Variants in STAC observed in about 807,000 individuals in gnomAD.
STAC encodes SH3 and cysteine-rich domain-containing protein.
Under a neutral mutation model 48.8 loss-of-function variants are expected in STAC, and 43 were observed. That is an observed-to-expected ratio of 0.88 (90% confidence interval 0.69 to 1.14). STAC has a LOEUF of 1.14. Ranked by LOEUF, STAC falls within the 50% of genes most tolerant of loss-of-function variation. The pLI is 0.00. For missense variants in STAC, 497 were observed against 504.0 expected (o/e 0.99, Z 0.13); for synonymous variants, 193 against 179.5 (o/e 1.07, Z -0.60).
At chr3:36,427,447 C>A (rs1332097743) in intron 1 of STAC, among the ~76,000 whole-genome samples, 1 of 152,120 alleles carries the variant, frequency 6.6e-6, no homozygotes, top group Non-Finnish European at 1.5e-5. Context: ...TTCTGTCTCC[C>A]CAAAGTGTCT....
chr3:36,490,229 C>T (rs371788663), intron 5 of STAC, among the ~76,000 whole-genome samples: 28 of 152,302 alleles, frequency 1.8e-4, no homozygotes, highest in Admixed American at 5.9e-4. Context: ...GAATGCTAAT[C>T]ATCTCCCTAA....
At chr3:36,427,009 C>T (rs1700581336) in intron 1 of STAC, among the ~76,000 whole-genome samples, 1 of 152,228 alleles carries the variant, frequency 6.6e-6, no homozygotes, top group Admixed American at 6.5e-5. Context: ...CAACAGCCTC[C>T]TTCTTGCCTC....
intron 2 of STAC, among the ~76,000 whole-genome samples, chr3:36,479,350 A>G (rs1442029306): frequency 6.6e-6 from 1 of 152,002 alleles, no homozygotes; most frequent in East Asian, 1.9e-4. Context: ...TCTTCCTATC[A>G]TCTATTAAGT....
chr3:36,426,115 T>C (rs62245733), intron 1 of STAC, among the ~76,000 whole-genome samples: 2,578 of 152,318 alleles, frequency 0.017, 27 homozygotes, highest in Non-Finnish European at 0.028. Context: ...CTTTCATAGA[T>C]AAAAGGAATC....
intron 10 of STAC, among the ~76,000 whole-genome samples, chr3:36,541,140 A>G (rs981701783): frequency 4.6e-5 from 7 of 152,098 alleles, no homozygotes; most frequent in African/African-American, 1.7e-4. Context: ...CCAGACAAAG[A>G]AAGATTTTCT....
intron 1 of STAC, among the ~76,000 whole-genome samples, chr3:36,383,885 C>T (rs1575166813): frequency 6.6e-6 from 1 of 152,310 alleles, no homozygotes; most frequent in East Asian, 1.9e-4. Flanking sequence ...TAGTTACTGG[C>T]AATACCCTTA....
At chr3:36,439,920 A>T (rs1400418202) in intron 1 of STAC, among the ~76,000 whole-genome samples, 1 of 152,214 alleles carries the variant, frequency 6.6e-6, no homozygotes, top group Non-Finnish European at 1.5e-5. Flanking sequence ...AAGCAACTCC[A>T]CAATAACTCA....
At chr3:36,530,257 G>A (rs747622561) in intron 10 of STAC, among the ~76,000 whole-genome samples, 20 of 152,236 alleles carry the variant, frequency 1.3e-4, no homozygotes, top group Admixed American at 1.0e-3. Flanking sequence ...ATTTCCCAAG[G>A]TAATGAATGC....
intron 5 of STAC, among the ~76,000 whole-genome samples, chr3:36,490,338 C>T (rs1697934352): frequency 6.6e-6 from 1 of 152,348 alleles, no homozygotes; most frequent in Admixed American, 6.5e-5. Context: ...TCACTCTCAG[C>T]TTGCAACCAT....
chr3:36,481,299 A>C (rs1174176023), intron 2 of STAC, among the ~76,000 whole-genome samples: 1 of 152,212 alleles, frequency 6.6e-6, no homozygotes, highest in Non-Finnish European at 1.5e-5. Context: ...AGCACCTTAT[A>C]ATACATCAGA....
intron 1 of STAC, among the ~76,000 whole-genome samples, chr3:36,402,555 A>T (rs1046061122): frequency 1.3e-5 from 2 of 152,164 alleles, no homozygotes; most frequent in African/African-American, 4.8e-5. Flanking sequence ...CTGTCTAAAC[A>T]ACATCTAACA....
At chr3:36,499,476 A>C (rs1244147590) in intron 6 of STAC, among the ~76,000 whole-genome samples, 1 of 152,150 alleles carries the variant, frequency 6.6e-6, no homozygotes, top group African/African-American at 2.4e-5. Flanking sequence ...TTACCAAACC[A>C]GAAAGGGAAC....
At chr3:36,401,586 T>C (rs1472474710) in intron 1 of STAC, among the ~76,000 whole-genome samples, 1 of 152,212 alleles carries the variant, frequency 6.6e-6, no homozygotes, top group Non-Finnish European at 1.5e-5. Context: ...CCCCAGCTGC[T>C]GTCCTTGGGC....
rs751351565 is a variant in STAC at position 36,546,171 on chromosome 3, T to C, written c.1111-20T>C. On this transcript the variant is annotated intron_variant, in intron 10 of 10. Coordinates refer to ENST00000273183, the MANE Select transcript of STAC (RefSeq NM_003149.3). ...TGCTGACAGTAAAGTATTTTGTTTTTTTTCTTCCTTGGCATTCAGATCTGC... is the reference window on the plus strand; with the variant it reads ...TGCTGACAGTAAAGTATTTTGTTTTCTTTCTTCCTTGGCATTCAGATCTGC... 1.2e-6 allele frequency: 2 copies of C among 1,609,174 alleles called. No individual in the cohort carries two copies. Among genetic ancestry groups the C allele is most frequent in the Non-Finnish European group, 1.7e-6 (2 of 1,175,880 alleles).
At position 36,546,455 on chromosome 3, in the gene STAC, A is replaced by G. The variant is rs1049082718; in HGVS notation, c.*166A>G. 8 of 625,430 alleles carry G rather than the reference A, an allele frequency of 1.3e-5. No individual in the cohort carries two copies. Among genetic ancestry groups the G allele is most frequent in the Non-Finnish European group, 2.2e-5 (8 of 356,930 alleles). The allele number at this position is 625,430 out of a possible 1,614,324, so 38.7% of individuals were successfully genotyped here. ...CTGTGGAGTAATAGCCACAAAACAG[A>G]GGGCCCACTGCACAGCATATCCAGG... On this transcript the variant is annotated 3_prime_UTR_variant, in exon 11 of 11. Transcript: ENST00000273183.
At chr3:36,440,073 C>A (rs1186008375) in intron 1 of STAC, among the ~76,000 whole-genome samples, 1 of 152,226 alleles carries the variant, frequency 6.6e-6, no homozygotes, top group African/African-American at 2.4e-5. Flanking sequence ...CTCTGGCTAG[C>A]CTTTTCTAGC....
intron 1 of STAC, among the ~76,000 whole-genome samples, chr3:36,436,302 C>T (rs1700831829): frequency 6.6e-6 from 1 of 152,186 alleles, no homozygotes; most frequent in South Asian, 2.1e-4. Context: ...TCCATCTTGC[C>T]TTCCTACAGT....
rs145926710 is a variant in STAC at position 36,503,495 on chromosome 3, A to C, written c.767-898A>C. On this transcript the variant is annotated intron_variant, in intron 6 of 10. Coordinates refer to ENST00000273183, the MANE Select transcript of STAC (RefSeq NM_003149.3). ...ACCCAGGCTGGAGTGCAGTGGTGTG[A>C]TCTTACCTTACTGCAACCTCCACCT... Among the ~76,000 whole-genome samples the C allele has an allele frequency of 1.4e-4, 22 of 152,180 alleles. 1 individual carries two copies. Among genetic ancestry groups the C allele is most frequent in the African/African-American group, 5.3e-4 (22 of 41,510 alleles).
chr3:36,413,084 T>G (rs1041386726), intron 1 of STAC, among the ~76,000 whole-genome samples: 5 of 152,200 alleles, frequency 3.3e-5, no homozygotes, highest in African/African-American at 1.2e-4. Flanking sequence ...TGAGGAGTGC[T>G]TTACTTCCAA....
Sources: allele counts gnomAD v4.1 joint callset (sites outside exome capture counted in the v4.1 genomes callset), GRCh38; gene constraint gnomAD v4.1.1; transcripts MANE v1.5; gene names NCBI Gene and HGNC (gene_info 2026-07-23, HGNC 2026-07-21).